The following CTRC variants were observed in gnomAD, a reference collection of about 807,000 sequenced individuals.
CTRC encodes the protein chymotrypsin-C.
Under a neutral mutation model 35.7 loss-of-function variants are expected in CTRC, and 32 were observed. That is an observed-to-expected ratio of 0.90 (90% CI 0.68 to 1.20). The LOEUF (loss-of-function observed/expected upper bound fraction) is 1.20, where lower values mean the gene tolerates loss of function less well. Among genes scored for constraint, CTRC ranks in the 50% most tolerant of loss-of-function variants. The probability of loss-of-function intolerance (pLI) is 0.00; values close to 1 mark genes in which losing one functional copy is unlikely to be tolerated. For synonymous variants in CTRC, 119 were observed against 149.5 expected (o/e 0.80, Z 1.49); for missense variants, 324 against 361.5 (o/e 0.90, Z 0.84).
At chr1:15,439,775 CTT>C (rs1708096944) in intron 1 of CTRC, among the ~76,000 whole-genome samples, 1 of 152,170 alleles carries the variant, frequency 6.6e-6, no homozygotes, top group African/African-American at 2.4e-5. Flanking sequence ...GAGTTTTGCT[CTT>C]ATCACCCAGG....
Position 15,445,678 on chromosome 1 carries a change from C to A in CTRC, c.721C>A (p.Arg241=), listed in dbSNP as rs771229796. The change falls in exon 7 of 8, where the codon CGG becomes AGG. Residue 241 remains arginine, a synonymous_variant. Transcript: ENST00000375949. ...TGGCATCGTCAGCTTTGGCTCCCGG[C>A]GGGGCTGCAACACCCGCAAGAAGCC... ...VFGIVSFGSR[R]GCNTRKKPVV... 1.2e-6 allele frequency: 2 copies of A among 1,614,180 alleles called. No homozygotes were observed. Among genetic ancestry groups the A allele is most frequent in the Admixed American group, 3.3e-5 (2 of 60,016 alleles).
Position 15,446,656 on chromosome 1 carries a change from C to G in CTRC, c.*67C>G. ...ATAAACTTCCTTCTCCTCGGGCCAC[C>G]TGGATCCTTGATTTGTGCAGCTTCT... On this transcript the variant is annotated 3_prime_UTR_variant, in exon 8 of 8. Coordinates refer to ENST00000375949, the MANE Select transcript of CTRC (RefSeq NM_007272.3). 1 of 1,572,692 alleles carries G rather than the reference C, an allele frequency of 6.4e-7. No homozygotes were observed. The highest frequency in any genetic ancestry group is 2.2e-5 in the East Asian group (1 of 44,726).
rs1013133526 is a variant in CTRC at position 15,445,598 on chromosome 1, G to A, written c.641G>A (p.Gly214Glu). The change falls in exon 7 of 8, where the codon GGG becomes GAG. Residue 214 changes from glycine (G) to glutamate (E), a missense_variant and splice_region_variant. Transcript: ENST00000375949. ...GGDGVISACN[G>E]DSGGPLNCQL... is the part of the protein sequence containing the mutation. Reference sequence around the variant, plus strand: ...TTATGCCCTCCCGGTCTGGTGCAGGGGGACTCCGGTGGCCCACTGAACTGC... The same window carrying A: ...TTATGCCCTCCCGGTCTGGTGCAGGAGGACTCCGGTGGCCCACTGAACTGC... The A allele has an allele frequency of 9.3e-6, 15 of 1,614,016 alleles. No individual in the cohort carries two copies. The Admixed American group carries it at 1.2e-4, about 13-fold the overall frequency.
Position 15,448,617 on chromosome 1 carries a change from A to G in CTRC, c.*2028A>G, listed in dbSNP as rs1232887222. On this transcript the variant is annotated 3_prime_UTR_variant, in exon 8 of 8. Coordinates refer to ENST00000375949, the MANE Select transcript of CTRC (RefSeq NM_007272.3). ...TGCCTCGGCCTCCCAAAGTGCTGGC[A>G]TTACAGGCGTGAGCCACCGTGCCCG... 6.6e-6 allele frequency: 1 copy of G among 151,874 alleles called. No homozygotes were observed. Among genetic ancestry groups the G allele is most frequent in the Non-Finnish European group, 1.5e-5 (1 of 68,068 alleles). 9.4% of individuals were successfully genotyped at this position (151,874 alleles called of 1,614,324 possible). A position where few individuals can be genotyped will look rare whatever the true frequency, so the allele number is the denominator to read the frequency against.
chr1:15,441,692 C>T (rs1023985389), intron 3 of CTRC, among the ~76,000 whole-genome samples: 1 of 150,164 alleles, frequency 6.7e-6, no homozygotes, highest in African/African-American at 2.5e-5. Flanking sequence ...ATTTCATATA[C>T]ACTTTTTTTT....
chr1:15,446,224 C>A (rs1183084981), intron 7 of CTRC, among the ~76,000 whole-genome samples: 1 of 152,228 alleles, frequency 6.6e-6, no homozygotes, highest in African/African-American at 2.4e-5. Context: ...GCACTTATGT[C>A]CCCATCCAGG....
At chr1:15,443,263 T>A (rs975066444) in intron 4 of CTRC, among the ~76,000 whole-genome samples, 156 bp from the exon 5 acceptor site, 1 of 152,182 alleles carries the variant, frequency 6.6e-6, no homozygotes, top group Admixed American at 6.5e-5. Context: ...TGTCCTGATA[T>A]TCCCAAAGGC....
chr1:15,443,912 C>T (rs1161257419), intron 5 of CTRC, among the ~76,000 whole-genome samples: 1 of 152,060 alleles, frequency 6.6e-6, no homozygotes, highest in African/African-American at 2.4e-5. Flanking sequence ...AAATGCAAAT[C>T]ATGAAACTAT....
At chr1:15,443,126 C>G (rs6701701) in intron 4 of CTRC, among the ~76,000 whole-genome samples, 3,982 of 152,252 alleles carry the variant, frequency 0.026, 195 homozygotes, top group African/African-American at 0.09. Flanking sequence ...TTCAATGGAC[C>G]CACAGCCAGC....
intron 5 of CTRC, 38 bp downstream of exon 5, chr1:15,443,593 G>C: frequency 6.2e-7 from 1 of 1,613,884 alleles, no homozygotes; most frequent in South Asian, 1.1e-5. Context: ...GAGCCTTCCT[G>C]AAGGAAGCAG....
At chr1:15,440,064 T>C (rs1392141701) in intron 1 of CTRC, among the ~76,000 whole-genome samples, 1 of 152,176 alleles carries the variant, frequency 6.6e-6, no homozygotes, top group Admixed American at 6.5e-5. Context: ...TTTTATGTGT[T>C]GTCTAATTCA....
chr1:15,439,236 G>C (rs1362411916), intron 1 of CTRC, among the ~76,000 whole-genome samples: 1 of 151,958 alleles, frequency 6.6e-6, no homozygotes, highest in African/African-American at 2.4e-5. Context: ...GACCAGTCTG[G>C]CCAACAAGAT....
At chr1:15,440,226 G>GGGGCCCCCCCCCCCC in intron 1 of CTRC, 74 bp from the exon 2 acceptor site, 1 of 523,580 alleles carries the variant, frequency 1.9e-6, no homozygotes. Context: ...TCTTCCACCT[G>GGGGCCCCCCCCCCCC]CCCACCCTCC....
intron 7 of CTRC, 87 bp downstream of exon 7, chr1:15,445,836 G>T (rs778229929): frequency 6.8e-7 from 1 of 1,474,708 alleles, no homozygotes; most frequent in Non-Finnish European, 9.4e-7. Flanking sequence ...TCATTCATGC[G>T]TTTATTCATT....
In CTRC at chr1:15,446,804, C is replaced by T; in HGVS notation, c.*215C>T. 1 of 660,748 alleles carries T rather than the reference C, an allele frequency of 1.5e-6. No homozygotes were observed. Among genetic ancestry groups the T allele is most frequent in the South Asian group, 1.7e-5 (1 of 60,372 alleles). 40.9% of individuals were successfully genotyped at this position (660,748 alleles called of 1,614,324 possible). On this transcript the variant is annotated 3_prime_UTR_variant, in exon 8 of 8. Coordinates refer to ENST00000375949, the MANE Select transcript of CTRC (RefSeq NM_007272.3). ...GGGAAACAGAGGCCGGGAGAGAGGG[C>T]CAAGGAAGGAGCCTCCTGGGGCATT...
Position 15,446,921 on chromosome 1 carries a change from C to T in CTRC, c.*332C>T, listed in dbSNP as rs536729694. ...TGAAGGACGCATCAGACACCTTCCC[C>T]GCTCCATCTCACAAGCTGCGAACAG... On this transcript the variant is annotated 3_prime_UTR_variant, in exon 8 of 8. Coordinates refer to ENST00000375949, the MANE Select transcript of CTRC (RefSeq NM_007272.3). The T allele has an allele frequency of 8.7e-6, 4 of 461,780 alleles. No individual in the cohort carries two copies. Among genetic ancestry groups the T allele is most frequent in the East Asian group, 4.4e-5 (1 of 22,798 alleles). The allele number at this position is 461,780 out of a possible 1,614,324, so 28.6% of individuals were successfully genotyped here.
chr1:15,445,394 C>G (rs1279643905), intron 6 of CTRC, among the ~76,000 whole-genome samples: 1 of 152,200 alleles, frequency 6.6e-6, no homozygotes, highest in Admixed American at 6.5e-5. Flanking sequence ...TAGTCTGACA[C>G]CCCAGGGCCT....
In CTRC at chr1:15,447,602, G is replaced by A. The variant is rs1029676719; in HGVS notation, c.*1013G>A. ...CAATGTCCAGGGAGGGACATGCCAG[G>A]GGGATCAGACCCTGATGATAGGGGC... is the stretch of plus-strand genomic sequence containing the variant. On this transcript the variant is annotated 3_prime_UTR_variant, in exon 8 of 8. Coordinates refer to ENST00000375949, the MANE Select transcript of CTRC (RefSeq NM_007272.3). The A allele has an allele frequency of 2.0e-5, 3 of 152,486 alleles. No individual in the cohort carries two copies. The highest frequency in any genetic ancestry group is 7.2e-5 in the African/African-American group (3 of 41,434). The allele number at this position is 152,486 out of a possible 1,614,324, so 9.4% of individuals were successfully genotyped here.
chr1:15,445,797 CT>C (rs768653391), intron 7 of CTRC, 48 bp downstream of exon 7: 1 of 1,607,146 alleles, frequency 6.2e-7, no homozygotes, highest in Non-Finnish European at 8.5e-7. Flanking sequence ...GCCCCTCCCC[CT>C]CACTCACCCA....
Sources: gnomAD v4.1 joint callset for allele counts (sites outside exome capture counted in the v4.1 genomes callset) on GRCh38, gnomAD v4.1.1 for gene constraint, MANE v1.5 for transcripts, NCBI Gene and HGNC (gene_info 2026-07-23, HGNC 2026-07-21) for gene names.